GARRE1: variants seen among roughly 807,000 people sequenced by gnomAD.
GARRE1 encodes granule associated Rac and RHOG effector 1.
Under a neutral mutation model 103.2 loss-of-function variants are expected in GARRE1, and 49 were observed. The ratio of observed to expected loss-of-function variants is 0.47; its 90% CI spans 0.38 to 0.60. The LOEUF (loss-of-function observed/expected upper bound fraction) is 0.60. GARRE1 is among the 20% of genes least tolerant of loss of function. The pLI is 0.00. For missense variants in GARRE1, 1,199 were observed against 1,370.5 expected, an observed-to-expected ratio of 0.87 and a Z score of 1.98; for synonymous variants, 505 against 532.8, an observed-to-expected ratio of 0.95 and a Z score of 0.72.
chr19:34,254,577 G>T lies in GARRE1; in HGVS notation c.-833G>T, dbSNP rs1599740704. 12 of 152,230 alleles carry T rather than the reference G, an allele frequency of 7.9e-5. 1 individual carries two copies. In the South Asian group the frequency reaches 2.2e-3, roughly 27 times the overall value. The allele number at this position is 152,230 out of a possible 1,614,324, so 9.4% of individuals were successfully genotyped here. A position where few individuals can be genotyped will look rare whatever the true frequency, so the allele number is the denominator to read the frequency against. Reference sequence around the variant, plus strand: ...ACGTAACTTCCGGTGTACACAGCCGGTCCAAGGCGGTGCGCTGGGGGCCGG... The same window carrying T: ...ACGTAACTTCCGGTGTACACAGCCGTTCCAAGGCGGTGCGCTGGGGGCCGG... On this transcript the variant is annotated 5_prime_UTR_variant, in exon 1 of 14. Transcript: ENST00000299505.
Position 34,334,426 on chromosome 19 carries a change from C to T in GARRE1, c.1361+625C>T, listed in dbSNP as rs148663933. ...ATTAAGAAAATGTAATGGCCAAGTG[C>T]GGTGACTCACACCTGTAATCCTAGC... On this transcript the variant is annotated intron_variant, in intron 8 of 13. Transcript: ENST00000299505. 8.5e-5 allele frequency among the ~76,000 whole-genome samples: 13 copies of T among 152,164 alleles called. No individual in the cohort carries two copies. In the East Asian group the frequency reaches 1.4e-3, roughly 16 times the overall value.
chr19:34,281,024 A>G (rs1251590803), intron 1 of GARRE1, among the ~76,000 whole-genome samples: 1 of 152,146 alleles, frequency 6.6e-6, no homozygotes, highest in East Asian at 1.9e-4. Flanking sequence ...TTCCAATTCA[A>G]ATGAAGGATT....
intron 2 of GARRE1, among the ~76,000 whole-genome samples, chr19:34,302,814 G>A (rs1375227854): frequency 1.4e-5 from 2 of 147,098 alleles, no homozygotes; most frequent in African/African-American, 2.5e-5. Context: ...GCACTATCTC[G>A]GCTCACTGCA....
chr19:34,345,406 A>ACTGG (rs1217159609), intron 10 of GARRE1, among the ~76,000 whole-genome samples: 1 of 152,236 alleles, frequency 6.6e-6, no homozygotes, highest in East Asian at 1.9e-4. Flanking sequence ...CAGCAAGCCC[A>ACTGG]CTGGCTGCCA....
intron 1 of GARRE1, among the ~76,000 whole-genome samples, chr19:34,288,078 T>A (rs866270769): frequency 6.6e-6 from 1 of 152,158 alleles, no homozygotes; most frequent in Non-Finnish European, 1.5e-5. Context: ...CTAAATTCTT[T>A]AGTCCAAGCC....
chr19:34,265,948 G>A (rs13343567), intron 1 of GARRE1, among the ~76,000 whole-genome samples: 14,582 of 152,254 alleles, frequency 0.096, 1,091 homozygotes, highest in African/African-American at 0.2. Context: ...TCCCATACCC[G>A]TACCAGTAAC....
chr19:34,283,830 CTT>C (rs11335136), intron 1 of GARRE1, among the ~76,000 whole-genome samples: 33 of 117,204 alleles, frequency 2.8e-4, no homozygotes, highest in South Asian at 5.5e-4. Flanking sequence ...TTCTTTCTTT[CTT>C]TTTTTTTTTT....
At chr19:34,332,545 A>T (rs779619291) in intron 7 of GARRE1, among the ~76,000 whole-genome samples, 2 of 151,964 alleles carry the variant, frequency 1.3e-5, no homozygotes, top group African/African-American at 2.4e-5. Context: ...GTGTGACTTT[A>T]GGTTATGGTT....
intron 3 of GARRE1, among the ~76,000 whole-genome samples, chr19:34,323,023 C>CTTTTTTTTT (rs71165649): frequency 1.0e-4 from 7 of 66,690 alleles, no homozygotes; most frequent in African/African-American, 2.8e-4. Context: ...TATTTCTTTT[C>CTTTTTTTTT]TTTTTTTTTT....
At position 34,354,214 on chromosome 19, in the gene GARRE1, TA is replaced by T. The variant is rs747541165; in HGVS notation, c.*1260del. The stretch of plus-strand genomic sequence containing the variant: ...TGGTATGAAAGTTTGACAGTATTAA[TA>T]TTTTTTTTATATTTTCTTAAATCAT... On this transcript the variant is annotated 3_prime_UTR_variant, in exon 14 of 14. Coordinates refer to ENST00000299505, the MANE Select transcript of GARRE1 (RefSeq NM_014686.5). The T allele has an allele frequency of 5.1e-4, 78 of 152,476 alleles. No homozygotes were observed. The highest frequency in any genetic ancestry group is 8.1e-4 in the Non-Finnish European group (55 of 68,008). 9.4% of individuals were successfully genotyped at this position (152,476 alleles called of 1,614,324 possible). A position where few individuals can be genotyped will look rare whatever the true frequency, so the allele number is the denominator to read the frequency against.
At chr19:34,336,543 C>G (rs528360405) in intron 8 of GARRE1, among the ~76,000 whole-genome samples, 23 of 149,918 alleles carry the variant, frequency 1.5e-4, no homozygotes, top group African/African-American at 5.2e-4. Context: ...TCTCGGCTCA[C>G]TGCAACCTCC....
rs760940741 is a variant in GARRE1 at position 34,300,799 on chromosome 19, A to G, written c.326A>G (p.His109Arg). ...DLFSTVFRNS[H>R]YSKAATQLKD... ...TTCAGCACTGTGTTCAGGAACTCTCACTACTCAAAGGCAGCCACACAGCTC... is the reference window on the plus strand; with the variant it reads ...TTCAGCACTGTGTTCAGGAACTCTCGCTACTCAAAGGCAGCCACACAGCTC... The change falls in exon 2 of 14, where the codon CAC becomes CGC. Residue 109 changes from histidine to arginine, a missense_variant. By Grantham distance (29) the His-to-Arg change is conservative. Coordinates refer to ENST00000299505, the MANE Select transcript of GARRE1 (RefSeq NM_014686.5). The G allele has an allele frequency of 2.5e-6, 4 of 1,614,168 alleles. No homozygotes were observed. The highest frequency in any genetic ancestry group is 3.4e-6 in the Non-Finnish European group (4 of 1,180,028).
Position 34,330,272 on chromosome 19 carries a change from G to A in GARRE1, c.1188G>A (p.Leu396=), listed in dbSNP as rs746801634. 1.9e-6 allele frequency: 3 copies of A among 1,614,066 alleles called. No individual in the cohort carries two copies. Among genetic ancestry groups the A allele is most frequent in the Non-Finnish European group, 2.5e-6 (3 of 1,180,028 alleles). ...SRDDFPVTEV[L]NQVCPSTWRG... ...ATGATTTTCCTGTGACTGAAGTGCTGAACCAGGTTTGCCCTTCCACATGGC... is the reference window on the plus strand; with the variant it reads ...ATGATTTTCCTGTGACTGAAGTGCTAAACCAGGTTTGCCCTTCCACATGGC... The change falls in exon 7 of 14, where the codon CTG becomes CTA. Residue 396 remains leucine (L), a synonymous_variant. Coordinates refer to ENST00000299505, the MANE Select transcript of GARRE1 (RefSeq NM_014686.5).
At chr19:34,346,156 A>T (rs1205220542) in intron 10 of GARRE1, among the ~76,000 whole-genome samples, 1 of 152,218 alleles carries the variant, frequency 6.6e-6, no homozygotes, top group African/African-American at 2.4e-5. Flanking sequence ...TGCCCTAAGG[A>T]TAAGTTGATA....
At chr19:34,260,469 T>G (rs2073710487) in intron 1 of GARRE1, among the ~76,000 whole-genome samples, 1 of 152,206 alleles carries the variant, frequency 6.6e-6, no homozygotes, top group Admixed American at 6.5e-5. Context: ...TCCTGATAAT[T>G]TTGGCTATAT....
At chr19:34,267,414 C>T (rs1203288064) in intron 1 of GARRE1, among the ~76,000 whole-genome samples, 1 of 152,108 alleles carries the variant, frequency 6.6e-6, no homozygotes, top group Non-Finnish European at 1.5e-5. Context: ...CTATGTTGCC[C>T]AGGCTGGTCT....
chr19:34,291,301 A>G (rs1485912301), intron 1 of GARRE1, among the ~76,000 whole-genome samples: 1 of 152,208 alleles, frequency 6.6e-6, no homozygotes, highest in African/African-American at 2.4e-5. Flanking sequence ...ATTGATGTAC[A>G]AAAAGGAGAC....
rs1192659558 is a variant in GARRE1, at chr19:34,333,920, T to C, written c.1361+119T>C. On this transcript the variant is annotated intron_variant, in intron 8 of 13. Coordinates refer to ENST00000299505, the MANE Select transcript of GARRE1 (RefSeq NM_014686.5). The stretch of plus-strand genomic sequence containing the variant: ...AGCTGACGCAACAAGTCTTGCTGCA[T>C]GTGCAGGTTTATGGGCAGCAGTGGT... The C allele has an allele frequency of 6.9e-6, 5 of 726,896 alleles. No individual in the cohort carries two copies. The Admixed American group carries it at 8.5e-5, about 12-fold the overall frequency. The allele number at this position is 726,896 out of a possible 1,614,324, so 45.0% of individuals were successfully genotyped here. A position where few individuals can be genotyped will look rare whatever the true frequency, so the allele number is the denominator to read the frequency against.
At chr19:34,315,381 C>T (rs1256723394) in intron 2 of GARRE1, among the ~76,000 whole-genome samples, 5 of 152,084 alleles carry the variant, frequency 3.3e-5, no homozygotes, top group Admixed American at 1.3e-4. Flanking sequence ...GCAGAGTTGA[C>T]ATGTAGGTTG....
Sources: allele counts gnomAD v4.1 joint callset (sites outside exome capture counted in the v4.1 genomes callset), GRCh38; gene constraint gnomAD v4.1.1; transcripts MANE v1.5; gene names NCBI Gene and HGNC (gene_info 2026-07-23, HGNC 2026-07-21).